DMBT1: variants seen among roughly 807,000 people sequenced by gnomAD.
The protein encoded by DMBT1 is scavenger receptor cysteine-rich domain-containing protein DMBT1.
A neutral mutation model predicts 252.9 loss-of-function variants in DMBT1; 198 were observed. The observed-to-expected ratio is 0.78, with a 90% CI of 0.70 to 0.88. The LOEUF (loss-of-function observed/expected upper bound fraction) is 0.88. Among genes scored for constraint, DMBT1 ranks in the 40% least tolerant of loss-of-function variants. The probability of loss-of-function intolerance (pLI) is 0.00; values close to 1 mark genes in which losing one functional copy is unlikely to be tolerated. For missense variants in DMBT1, 2,432 were observed against 2,404.7 expected (o/e 1.01, Z -0.24); for synonymous variants, 990 against 942.7 (o/e 1.05, Z -0.92).
Position 122,643,406 on chromosome 10 carries a change from C to A in DMBT1, c.*8C>A. The A allele has an allele frequency of 6.2e-7, 1 of 1,607,598 alleles. No individual in the cohort carries two copies. Among genetic ancestry groups the A allele is most frequent in the Non-Finnish European group, 8.5e-7 (1 of 1,176,602 alleles). ...GAAGAGGAGCCTCGGTAGGTGGTCG[C>A]TCTCAGACCCCACTGTCCACCGGGG... On this transcript the variant is annotated 3_prime_UTR_variant, in exon 56 of 56. Coordinates refer to ENST00000338354, the MANE Select transcript of DMBT1 (RefSeq NM_001377530.1).
chr10:122,588,027 A>T (rs1368831646), intron 16 of DMBT1, among the ~76,000 whole-genome samples: 1 of 148,536 alleles, frequency 6.7e-6, no homozygotes. Context: ...CCAGAAATCC[A>T]GTAGTTTTCA....
chr10:122,579,514 A>G, intron 9 of DMBT1, 64 bp from the exon 10 acceptor site: 1 of 1,609,402 alleles, frequency 6.2e-7, no homozygotes, highest in Non-Finnish European at 8.5e-7. Context: ...CTGAGTGTGG[A>G]ACTTACCTTA....
Position 122,580,995 on chromosome 10 carries a change from G to A in DMBT1, c.1033+100G>A, listed in dbSNP as rs1340769342. On this transcript the variant is annotated intron_variant, in intron 11 of 55. Transcript: ENST00000338354. The stretch of plus-strand genomic sequence containing the variant: ...TCTCCTGTTTCTCTGTGTGGATACT[G>A]TGGGGCATATTATTTCCACCCCCAA... The A allele has an allele frequency of 7.3e-6, 11 of 1,516,978 alleles. No homozygotes were observed. The African/African-American group carries it at 1.6e-4, about 21-fold the overall frequency. 94.0% of individuals were successfully genotyped at this position (1,516,978 alleles called of 1,614,324 possible).
chr10:122,643,485 C>G lies in DMBT1; in HGVS notation c.*87C>G. The G allele has an allele frequency of 6.7e-7, 1 of 1,484,238 alleles. No homozygotes were observed. Among genetic ancestry groups the G allele is most frequent in the Admixed American group, 2.1e-5 (1 of 48,320 alleles). 91.9% of individuals were successfully genotyped at this position (1,484,238 alleles called of 1,614,324 possible). A position where few individuals can be genotyped will look rare whatever the true frequency, so the allele number is the denominator to read the frequency against. ...TGTTCCTCTTGGTGTCATATTCCAA[C>G]TCAGATTGAGCCCTACATTGTGCTG... On this transcript the variant is annotated 3_prime_UTR_variant, in exon 56 of 56. Coordinates refer to ENST00000338354, the MANE Select transcript of DMBT1 (RefSeq NM_001377530.1).
intron 5 of DMBT1, among the ~76,000 whole-genome samples, chr10:122,573,014 C>T (rs1294114534): frequency 6.6e-6 from 1 of 152,202 alleles, no homozygotes; most frequent in Admixed American, 6.5e-5. Context: ...CACATAGTGC[C>T]AGGATGTGTG....
At chr10:122,617,528 T>C (rs2098004603) in intron 40 of DMBT1, among the ~76,000 whole-genome samples, 1 of 151,576 alleles carries the variant, frequency 6.6e-6, no homozygotes, top group African/African-American at 2.4e-5. Context: ...GAAGGCTCCC[T>C]AATCCTGCTG....
At chr10:122,597,683 T>C (rs542852599) in intron 24 of DMBT1, among the ~76,000 whole-genome samples, 83 of 152,304 alleles carry the variant, frequency 5.4e-4, no homozygotes, top group African/African-American at 1.9e-3. Context: ...GCAATGGTGT[T>C]AGATGTACCC....
rs1304462206 is a variant in DMBT1, at chr10:122,637,239, A to C, written c.6869A>C (p.Glu2290Ala). 4 of 1,613,842 alleles carry C rather than the reference A, an allele frequency of 2.5e-6. No homozygotes were observed. In the African/African-American group the frequency reaches 4.0e-5, roughly 16 times the overall value. ...LVISTWNGYY[E>A]CRPQITPNLV... ...ATTTCCACCTGGAATGGATACTACG[A>C]GTGTCGGCCCCAGATAACGCCGAAC... Residue 2290 changes from glutamate to alanine, a missense_variant, in exon 54 of 56, where the codon GAG becomes GCG. By Grantham distance (107) the Glu-to-Ala change is moderately radical. Around this residue, in one of 3 missense-constraint regions of DMBT1, gnomAD observed 1,162 missense variants for 1,169.0 expected, o/e 0.99. Transcript: ENST00000338354.
In DMBT1 at chr10:122,623,348, A is replaced by G. The variant is rs114094488; in HGVS notation, c.5609-1929A>G. 8.8e-3 allele frequency among the ~76,000 whole-genome samples: 1,344 copies of G among 152,336 alleles called. 21 individuals are homozygous for G. Among genetic ancestry groups the G allele is most frequent in the African/African-American group, 0.03 (1,251 of 41,576 alleles). ...TGCTTCCATCTTTTGGCTGTTGTGA[A>G]TAAGTCTGCTATGAGAATTAGTGTA... On this transcript the variant is annotated intron_variant, in intron 44 of 55. Transcript: ENST00000338354.
At chr10:122,580,496 A>G (rs925973013) in intron 10 of DMBT1, among the ~76,000 whole-genome samples, 6 of 152,248 alleles carry the variant, frequency 3.9e-5, no homozygotes, top group Non-Finnish European at 5.9e-5. Flanking sequence ...GGCCAGCCAG[A>G]CATGGCCTTG....
chr10:122,565,908 T>G, intron 1 of DMBT1, 59 bp from the exon 2 acceptor site: 1 of 1,579,560 alleles, frequency 6.3e-7, no homozygotes, highest in Non-Finnish European at 8.7e-7. Context: ...CCAATTTCTG[T>G]GACTTGTAGG....
In DMBT1 at chr10:122,572,429, C is replaced by T. The variant is rs553215522; in HGVS notation, c.235+68C>T. On this transcript the variant is annotated intron_variant, in intron 5 of 55. Coordinates refer to ENST00000338354, the MANE Select transcript of DMBT1 (RefSeq NM_001377530.1). ...CTGTACTCCTAGATTCATCTCTGAC[C>T]CAGATGAGGTGTAGAGGACATAGAA... 4.2e-5 allele frequency: 67 copies of T among 1,586,190 alleles called. No individual in the cohort carries two copies. The South Asian group carries it at 7.1e-4, about 17-fold the overall frequency.
At position 122,581,023 on chromosome 10, in the gene DMBT1, C is replaced by T. The variant is rs560641026; in HGVS notation, c.1033+128C>T. ...GGGCATATTATTTCCACCCCCAACACCGGCTGTGTAACTGAGATCCCAGCA... is the reference window on the plus strand; with the variant it reads ...GGGCATATTATTTCCACCCCCAACATCGGCTGTGTAACTGAGATCCCAGCA... On this transcript the variant is annotated intron_variant, in intron 11 of 55. Transcript: ENST00000338354. The T allele has an allele frequency of 7.1e-5, 104 of 1,455,116 alleles. 5 individuals are homozygous for T. In the African/African-American group the frequency reaches 7.4e-4, roughly 10 times the overall value. 90.1% of individuals were successfully genotyped at this position (1,455,116 alleles called of 1,614,324 possible).
chr10:122,620,694 G>A (rs1034405324), intron 43 of DMBT1, among the ~76,000 whole-genome samples: 4 of 152,214 alleles, frequency 2.6e-5, no homozygotes, highest in African/African-American at 9.6e-5. Flanking sequence ...AAGCCAGAGA[G>A]GATCATGTGG....
chr10:122,629,587 C>T (rs1281741304), intron 46 of DMBT1, among the ~76,000 whole-genome samples: 1 of 152,178 alleles, frequency 6.6e-6, no homozygotes, highest in Non-Finnish European at 1.5e-5. Flanking sequence ...CACATGCTCC[C>T]TCTGAAGCTT....
In DMBT1 at chr10:122,621,042, T is replaced by C; in HGVS notation, c.5285-15T>C. On this transcript the variant is annotated splice_polypyrimidine_tract_variant and intron_variant, in intron 43 of 55. Transcript: ENST00000338354. ...ATAATCAGTATGGATGAAGGGTTCT[T>C]GTGTTCCCCTGTAGGATCTGAATCC... The C allele has an allele frequency of 6.2e-7, 1 of 1,612,656 alleles. No homozygotes were observed. Among genetic ancestry groups the C allele is most frequent in the Non-Finnish European group, 8.5e-7 (1 of 1,179,692 alleles).
rs377585197 is a variant in DMBT1, at chr10:122,629,917, C to T, written c.5746C>T (p.Pro1916Ser). ...FSSPSYPAYY[P>S]NNAKCVWEIE... is the part of the protein sequence containing the mutation. ...CAGCCCATCCTACCCTGCATACTACCCCAACAATGCTAAGTGTGTTTGGGA... is the reference window on the plus strand; with the variant it reads ...CAGCCCATCCTACCCTGCATACTACTCCAACAATGCTAAGTGTGTTTGGGA... Residue 1916 changes from proline (P) to serine (S), a missense_variant, in exon 47 of 56, where the codon CCC (proline) becomes TCC (serine). Physicochemically the swap from Pro to Ser is moderately conservative, Grantham distance 74. Around this residue, in one of 3 missense-constraint regions of DMBT1, gnomAD observed 1,162 missense variants for 1,169.0 expected, o/e 0.99. Transcript: ENST00000338354. The T allele has an allele frequency of 6.2e-7, 1 of 1,613,870 alleles. No homozygotes were observed. Among genetic ancestry groups the T allele is most frequent in the Non-Finnish European group, 8.5e-7 (1 of 1,179,898 alleles).
intron 4 of DMBT1, among the ~76,000 whole-genome samples, chr10:122,572,034 A>C (rs2097668695): frequency 6.6e-6 from 1 of 152,144 alleles, no homozygotes; most frequent in Non-Finnish European, 1.5e-5. Context: ...TGTGACTAGG[A>C]TGGGGCTGTG....
At chr10:122,569,995 T>A (rs536237714) in intron 2 of DMBT1, among the ~76,000 whole-genome samples, 167 bp from the exon 3 acceptor site, 22 of 152,270 alleles carry the variant, frequency 1.4e-4, no homozygotes, top group Admixed American at 7.8e-4. Flanking sequence ...TAGCCCAGCC[T>A]GGGGCCATTT....
Sources: allele counts gnomAD v4.1 joint callset (sites outside exome capture counted in the v4.1 genomes callset), GRCh38; gene constraint gnomAD v4.1.1; regional missense constraint gnomAD v4.1.1; transcripts MANE v1.5; gene names NCBI Gene and HGNC (gene_info 2026-07-23, HGNC 2026-07-21).